LSAMP: variants seen among roughly 807,000 people sequenced by gnomAD.
LSAMP encodes the protein limbic system associated membrane protein.
In LSAMP, 7 loss-of-function variants were observed where a neutral mutation model predicts 38.6. The observed-to-expected ratio is 0.18, with a 90% CI of 0.10 to 0.34. The LOEUF (loss-of-function observed/expected upper bound fraction) is 0.34, where lower values mean the gene tolerates loss of function less well. LSAMP is among the 10% of genes least tolerant of loss of function. The pLI is 1.00. For synonymous variants in LSAMP, 154 were observed against 166.8 expected, an observed-to-expected ratio of 0.92 and a Z score of 0.59; for missense variants, 313 against 420.0, an observed-to-expected ratio of 0.75 and a Z score of 2.23.
At chr3:115,858,143 C>T (rs1390083902) in intron 3 of LSAMP, among the ~76,000 whole-genome samples, 1 of 109,300 alleles carries the variant, frequency 9.1e-6, no homozygotes, top group African/African-American at 3.5e-5. Context: ...CCATCTCTCT[C>T]TCTCTCTCTC....
At chr3:116,333,120 A>G (rs1673078561) in intron 1 of LSAMP, among the ~76,000 whole-genome samples, 1 of 152,108 alleles carries the variant, frequency 6.6e-6, no homozygotes, top group Admixed American at 6.6e-5. Context: ...AACACAATAA[A>G]CCAACTAGAT....
intron 1 of LSAMP, among the ~76,000 whole-genome samples, chr3:116,230,943 A>G (rs1233825064): frequency 6.6e-6 from 1 of 152,160 alleles, no homozygotes; most frequent in African/African-American, 2.4e-5. Context: ...TTAATGAAGC[A>G]AACTGAGGAG....
chr3:116,326,629 A>C (rs2047776873), intron 1 of LSAMP, among the ~76,000 whole-genome samples: 1 of 152,294 alleles, frequency 6.6e-6, no homozygotes, highest in African/African-American at 2.4e-5. Context: ...CGTCTTCCTC[A>C]GCCATGTGAC....
At chr3:116,339,355 T>C (rs1444009696) in intron 1 of LSAMP, among the ~76,000 whole-genome samples, 1 of 151,552 alleles carries the variant, frequency 6.6e-6, no homozygotes, top group Non-Finnish European at 1.5e-5. Flanking sequence ...CAGAGATGAC[T>C]TGTAGCCATG....
At chr3:115,951,660 A>T (rs1039295454) in intron 3 of LSAMP, among the ~76,000 whole-genome samples, 1 of 152,124 alleles carries the variant, frequency 6.6e-6, no homozygotes, top group African/African-American at 2.4e-5. Flanking sequence ...ACGTGGAAAG[A>T]CTAGACTGGT....
At chr3:116,141,381 C>T (rs1709365384) in intron 1 of LSAMP, among the ~76,000 whole-genome samples, 1 of 150,580 alleles carries the variant, frequency 6.6e-6, no homozygotes, top group African/African-American at 2.4e-5. Context: ...GAAAGATGTA[C>T]CTTAGTAGAG....
intron 3 of LSAMP, among the ~76,000 whole-genome samples, chr3:115,927,593 C>T (rs763956388): frequency 1.2e-4 from 19 of 152,194 alleles, no homozygotes; most frequent in Non-Finnish European, 2.6e-4. Flanking sequence ...TCCTCCTTTT[C>T]TTAACTCTTT....
intron 1 of LSAMP, among the ~76,000 whole-genome samples, chr3:116,373,037 A>G (rs1483982863): frequency 6.6e-6 from 1 of 151,500 alleles, no homozygotes; most frequent in East Asian, 1.9e-4. Flanking sequence ...TTGAAAATAC[A>G]CTTACCATAT....
chr3:115,900,878 G>T (rs943598584), intron 3 of LSAMP, among the ~76,000 whole-genome samples: 4 of 152,148 alleles, frequency 2.6e-5, no homozygotes, highest in African/African-American at 9.7e-5. Flanking sequence ...TATAGATCCT[G>T]GAGTTAAAAA....
intron 3 of LSAMP, among the ~76,000 whole-genome samples, chr3:115,893,257 T>C (rs1936646373): frequency 6.6e-6 from 1 of 152,018 alleles, no homozygotes; most frequent in South Asian, 2.1e-4. Context: ...GTAACAAACC[T>C]ACACGTTCTG....
intron 1 of LSAMP, among the ~76,000 whole-genome samples, chr3:116,301,665 T>C (rs1013432979): frequency 6.6e-6 from 1 of 152,270 alleles, no homozygotes; most frequent in East Asian, 1.9e-4. Context: ...GGGCCCCATT[T>C]CTCATGCATA....
In LSAMP at chr3:116,419,631, A is replaced by C. The variant is rs1019513313; in HGVS notation, c.155+25246T>G. On this transcript the variant is annotated intron_variant, in intron 1 of 6. Transcript: ENST00000490035. Reference sequence around the variant, plus strand: ...GGTAAAGCAGTAATCTTTTTTTAAAATCCAAAACAGGTATCAATAGGGACA... The same window carrying C: ...GGTAAAGCAGTAATCTTTTTTTAAACTCCAAAACAGGTATCAATAGGGACA... Among the ~76,000 whole-genome samples, 4 of 152,280 alleles carry C rather than the reference A, an allele frequency of 2.6e-5. No homozygotes were observed. The South Asian group carries it at 8.3e-4, about 32-fold the overall frequency.
At chr3:116,177,205 G>T (rs1365964087) in intron 1 of LSAMP, among the ~76,000 whole-genome samples, 2 of 152,020 alleles carry the variant, frequency 1.3e-5, no homozygotes, top group Non-Finnish European at 2.9e-5. Context: ...TTCTGTTAGG[G>T]CTTTATATAA....
At chr3:116,423,306 C>G (rs570193852) in intron 1 of LSAMP, among the ~76,000 whole-genome samples, 1 of 152,144 alleles carries the variant, frequency 6.6e-6, no homozygotes, top group African/African-American at 2.4e-5. Flanking sequence ...GCATCTGAGA[C>G]TTTTATTCCC....
At position 116,249,882 on chromosome 3, in the gene LSAMP, A is replaced by C. The variant is rs147920104; in HGVS notation, c.156-163326T>G. ...CGATGACAATATCATACTGTCAAAA[A>C]CTCTTGCCATTAAAATTCTAATTTA... On this transcript the variant is annotated intron_variant, in intron 1 of 6. Coordinates refer to ENST00000490035, the MANE Select transcript of LSAMP (RefSeq NM_002338.5). Among the ~76,000 whole-genome samples, 518 of 152,100 alleles carry C rather than the reference A, an allele frequency of 3.4e-3. 8 individuals carry two copies. The highest frequency in any genetic ancestry group is 0.012 in the African/African-American group (497 of 41,474).
At chr3:116,211,148 A>T (rs1443658184) in intron 1 of LSAMP, among the ~76,000 whole-genome samples, 1 of 152,202 alleles carries the variant, frequency 6.6e-6, no homozygotes. Flanking sequence ...TGCTAAACTC[A>T]TAGAAGCAGA....
chr3:116,140,853 C>A (rs1709352878), intron 1 of LSAMP, among the ~76,000 whole-genome samples: 1 of 151,700 alleles, frequency 6.6e-6, no homozygotes, highest in South Asian at 2.1e-4. Context: ...AATGTTTAAA[C>A]CAACCCAAAG....
intron 1 of LSAMP, among the ~76,000 whole-genome samples, chr3:116,390,052 G>A (rs2048672597): frequency 6.6e-6 from 1 of 151,742 alleles, no homozygotes; most frequent in African/African-American, 2.4e-5. Context: ...TGGCAACTTG[G>A]ACTTGATTAC....
chr3:115,824,351 C>T (rs942939999), intron 6 of LSAMP, among the ~76,000 whole-genome samples: 2 of 152,066 alleles, frequency 1.3e-5, no homozygotes. Context: ...GCAAACTGGC[C>T]CTTTGACCTT....
Sources: allele counts gnomAD v4.1 joint callset (sites outside exome capture counted in the v4.1 genomes callset), GRCh38; gene constraint gnomAD v4.1.1; transcripts MANE v1.5; gene names NCBI Gene and HGNC (gene_info 2026-07-23, HGNC 2026-07-21).